HMGN3: variants seen among roughly 807,000 people sequenced by gnomAD.
The protein encoded by HMGN3 is high mobility group nucleosomal binding domain 3, also known as high mobility group nucleosome-binding domain-containing protein 3.
In HMGN3, 6 loss-of-function variants were observed where a neutral mutation model predicts 18.8. The observed-to-expected ratio is 0.32, with a 90% CI of 0.18 to 0.63. The LOEUF is 0.63. Ranked by LOEUF, HMGN3 falls within the 30% of genes least tolerant of loss-of-function variation. The pLI is 0.79. For synonymous variants in HMGN3, 40 were observed against 36.5 expected (o/e 1.10, Z -0.35); for missense variants, 107 against 114.2 (o/e 0.94, Z 0.29).
At position 79,203,698 on chromosome 6, in the gene HMGN3, C is replaced by T. The variant is rs528193132; in HGVS notation, c.97-68G>A. On this transcript the variant is annotated intron_variant, in intron 3 of 5. Coordinates refer to ENST00000344726, the Ensembl canonical transcript of HMGN3. ...AAAACTATCAGCACCAAAAGAAACA[C>T]AAAAGGACTAACAAAGACAACTATC... 5.8e-5 allele frequency: 69 copies of T among 1,199,548 alleles called. 1 individual carries two copies. In the South Asian group the frequency reaches 7.2e-4, roughly 13 times the overall value. 74.3% of individuals were successfully genotyped at this position (1,199,548 alleles called of 1,614,324 possible).
chr6:79,202,009 A>G, intron 5 of HMGN3, 54 bp downstream of exon 6: 2 of 1,507,308 alleles, frequency 1.3e-6, no homozygotes, highest in Non-Finnish European at 1.8e-6. Flanking sequence ...CCACCACACT[A>G]CTATCTGATT....
chr6:79,202,183 G>T, intron 5 of HMGN3, 28 bp from the exon 6 acceptor site: 6 of 1,605,806 alleles, frequency 3.7e-6, no homozygotes, highest in Non-Finnish European at 4.2e-6. Context: ...GCAATAAAAA[G>T]AGACATTAAG....
intron 2 of HMGN3, among the ~76,000 whole-genome samples, chr6:79,209,683 A>T (rs1219776495): frequency 1.3e-5 from 2 of 152,242 alleles, no homozygotes; most frequent in African/African-American, 4.8e-5. Context: ...TGCCATAATT[A>T]TGAGGAATCA....
chr6:79,206,711 G>C (rs948050676), intron 3 of HMGN3, among the ~76,000 whole-genome samples: 3 of 152,192 alleles, frequency 2.0e-5, no homozygotes, highest in Admixed American at 2.0e-4. Context: ...TGTGAGAAGA[G>C]GGCCACTGCC....
chr6:79,202,295 C>G, exon 5 of HMGN3: 1 of 1,614,138 alleles, frequency 6.2e-7, no homozygotes, highest in Non-Finnish European at 8.5e-7. Flanking sequence ...TTTAGTTTCA[C>G]CATTTTCAGA....
At chr6:79,232,372 C>A (rs189450073) in intron 1 of HMGN3, among the ~76,000 whole-genome samples, 3 of 152,274 alleles carry the variant, frequency 2.0e-5, no homozygotes, top group Admixed American at 6.5e-5. Flanking sequence ...GTTGTTCCTG[C>A]CCAGGTACCA....
chr6:79,206,135 G>A (rs1399725368), intron 3 of HMGN3, among the ~76,000 whole-genome samples: 1 of 152,206 alleles, frequency 6.6e-6, no homozygotes, highest in Admixed American at 6.5e-5. Context: ...TAGAAAATTT[G>A]CAGCCTGGCA....
chr6:79,224,945 T>A (rs929342311), intron 1 of HMGN3, among the ~76,000 whole-genome samples: 3 of 152,204 alleles, frequency 2.0e-5, no homozygotes, highest in Non-Finnish European at 2.9e-5. Flanking sequence ...GTGATCTACA[T>A]ATGGTTGCTT....
Position 79,208,449 on chromosome 6 carries a change from A to C in HMGN3, c.96+98T>G, listed in dbSNP as rs1171200511. On this transcript the variant is annotated intron_variant, in intron 3 of 5. Transcript: ENST00000344726. ...TAATTTTCAAAAAGAAAATAAGCTC[A>C]TGGGAAACCATGTTAATCTTCCTTT... 1.4e-5 allele frequency: 15 copies of C among 1,056,328 alleles called. 1 individual carries two copies. The highest frequency in any genetic ancestry group is 5.3e-5 in the South Asian group (4 of 76,178). The allele number at this position is 1,056,328 out of a possible 1,614,324, so 65.4% of individuals were successfully genotyped here.
At chr6:79,205,654 C>T (rs887495429) in intron 3 of HMGN3, among the ~76,000 whole-genome samples, 1 of 152,106 alleles carries the variant, frequency 6.6e-6, no homozygotes, top group African/African-American at 2.4e-5. Flanking sequence ...AAATTGGTAC[C>T]AGAAGAGTGG....
chr6:79,213,871 AC>A (rs1776822890), intron 2 of HMGN3, among the ~76,000 whole-genome samples: 1 of 152,094 alleles, frequency 6.6e-6, no homozygotes, highest in Non-Finnish European at 1.5e-5. Context: ...TTTTTGTCTC[AC>A]CCATGACCCC....
At chr6:79,214,313 T>C (rs1776851660) in intron 2 of HMGN3, among the ~76,000 whole-genome samples, 1 of 151,710 alleles carries the variant, frequency 6.6e-6, no homozygotes, top group Non-Finnish European at 1.5e-5. Context: ...ACCATTCTCC[T>C]GCCTCAGCCT....
At chr6:79,234,327 T>C (rs949844440) in intron 1 of HMGN3, 22 of 439,818 alleles carry the variant, frequency 5.0e-5, no homozygotes, top group Non-Finnish European at 6.9e-5. Flanking sequence ...ACCGCGTCAC[T>C]GGAGAGAAAG....
chr6:79,222,559 T>C (rs1168601119), intron 1 of HMGN3, among the ~76,000 whole-genome samples: 1 of 152,212 alleles, frequency 6.6e-6, no homozygotes, highest in African/African-American at 2.4e-5. Flanking sequence ...AAACAGACAC[T>C]GGAAGTTTTA....
intron 3 of HMGN3, among the ~76,000 whole-genome samples, chr6:79,206,079 C>T (rs921745271): frequency 2.0e-4 from 31 of 152,074 alleles, no homozygotes; most frequent in Admixed American, 2.0e-4. Context: ...GACTTGGGTG[C>T]TGTTAAAGGC....
intron 1 of HMGN3, among the ~76,000 whole-genome samples, chr6:79,226,511 G>GA (rs1236507028): frequency 6.6e-6 from 1 of 152,082 alleles, no homozygotes; most frequent in African/African-American, 2.4e-5. Context: ...AGAATAAAAT[G>GA]AAAAATGAAA....
intron 1 of HMGN3, 199 bp downstream of exon 1, chr6:79,234,347 G>C: frequency 2.0e-6 from 1 of 492,264 alleles, no homozygotes; most frequent in Non-Finnish European, 3.6e-6. Flanking sequence ...GTAACATTAA[G>C]AGATCGATGA....
At chr6:79,201,572 C>T (rs1208221703) in exon 6 of HMGN3, 1 of 705,734 alleles carries the variant, frequency 1.4e-6, no homozygotes, top group Non-Finnish European at 2.5e-6. Context: ...TATATATTTT[C>T]GTATGCCAAC....
In HMGN3 at chr6:79,202,272, G is replaced by C. The variant is rs938938366; in HGVS notation, c.261+4C>G. The C allele has an allele frequency of 5.6e-6, 9 of 1,613,346 alleles. No homozygotes were observed. The highest frequency in any genetic ancestry group is 1.7e-5 in the Admixed American group (1 of 59,998). ...AATCAGTGGGAGGTATTTATGGAAA[G>C]TACCTCTTCAGCTTTAGTTTCACCA... On this transcript the variant is annotated splice_donor_region_variant and intron_variant, in intron 5 of 5. Coordinates refer to ENST00000344726, the Ensembl canonical transcript of HMGN3.
Sources: gnomAD v4.1 joint callset for allele counts (sites outside exome capture counted in the v4.1 genomes callset) on GRCh38, gnomAD v4.1.1 for gene constraint, MANE v1.5 for transcripts, NCBI Gene and HGNC (gene_info 2026-07-23, HGNC 2026-07-21) for gene names.